Variants in DOCK4 observed in about 807,000 individuals in gnomAD.
DOCK4 encodes dedicator of cytokinesis 4, also known as dedicator of cytokinesis protein 4.
Under a neutral mutation model 268.1 loss-of-function variants are expected in DOCK4, and 97 were observed. The observed-to-expected ratio is 0.36, with a 90% CI of 0.31 to 0.43. The LOEUF is 0.43. Ranked by LOEUF, DOCK4 falls within the 20% of genes least tolerant of loss-of-function variation. The pLI, the probability that DOCK4 is intolerant of heterozygous loss-of-function variation, is 1.00. For synonymous variants in DOCK4, 954 were observed against 887.2 expected, an observed-to-expected ratio of 1.08 and a Z score of -1.34; for missense variants, 2,145 against 2,455.7, an observed-to-expected ratio of 0.87 and a Z score of 2.67.
chr7:111,899,789 G>A (rs1183772470), intron 15 of DOCK4, among the ~76,000 whole-genome samples: 1 of 152,198 alleles, frequency 6.6e-6, no homozygotes, highest in Admixed American at 6.5e-5. Flanking sequence ...CAGGCGTGGT[G>A]GCCGGGCGCC....
At chr7:112,170,006 T>C (rs1817943535) in intron 1 of DOCK4, among the ~76,000 whole-genome samples, 2 of 152,094 alleles carry the variant, frequency 1.3e-5, no homozygotes, top group Non-Finnish European at 2.9e-5. Flanking sequence ...ACACAACCCC[T>C]GTAAGTTCAA....
chr7:112,132,617 T>A (rs1163091774), intron 1 of DOCK4, among the ~76,000 whole-genome samples: 1 of 150,462 alleles, frequency 6.6e-6, no homozygotes, highest in African/African-American at 2.4e-5. Flanking sequence ...AATGCTTTAA[T>A]AGAAAAAAGG....
At chr7:112,186,564 A>G (rs1819510760) in intron 1 of DOCK4, among the ~76,000 whole-genome samples, 1 of 152,280 alleles carries the variant, frequency 6.6e-6, no homozygotes, top group South Asian at 2.1e-4. Flanking sequence ...GTAAGAGTTC[A>G]GTAAAGGTTT....
At chr7:111,760,741 TGTG>T (rs1797344429) in intron 39 of DOCK4, among the ~76,000 whole-genome samples, 2 of 5,360 alleles carry the variant, frequency 3.7e-4, no homozygotes, top group Non-Finnish European at 9.6e-4. Flanking sequence ...CTGCTTTTTG[TGTG>T]TGTGTGTGTG....
intron 7 of DOCK4, among the ~76,000 whole-genome samples, chr7:111,977,702 CT>C (rs1798312801): frequency 6.6e-6 from 1 of 152,132 alleles, no homozygotes; most frequent in Non-Finnish European, 1.5e-5. Flanking sequence ...TATTAGTCAT[CT>C]TTTTAAAAAG....
chr7:111,888,551 A>G (rs893124824), intron 16 of DOCK4, among the ~76,000 whole-genome samples: 3 of 151,980 alleles, frequency 2.0e-5, no homozygotes, highest in Non-Finnish European at 4.4e-5. Flanking sequence ...TAGAGAGGCA[A>G]TACAGCCTAG....
intron 15 of DOCK4, among the ~76,000 whole-genome samples, chr7:111,899,877 T>C (rs1790992850): frequency 6.6e-6 from 1 of 152,216 alleles, no homozygotes; most frequent in Non-Finnish European, 1.5e-5. Flanking sequence ...AGAGCTGAGA[T>C]TGCGCCACTG....
intron 23 of DOCK4, among the ~76,000 whole-genome samples, chr7:111,857,272 A>T (rs1011179403): frequency 3.9e-5 from 6 of 152,202 alleles, no homozygotes; most frequent in Non-Finnish European, 8.8e-5. Flanking sequence ...AAATAGTCTA[A>T]TAGTCTACCT....
At chr7:112,002,092 T>C (rs1021318030) in intron 2 of DOCK4, among the ~76,000 whole-genome samples, 2 of 152,168 alleles carry the variant, frequency 1.3e-5, no homozygotes, top group African/African-American at 4.8e-5. Context: ...ACAAAACAAA[T>C]ATTTGAGCTT....
chr7:111,970,325 A>G (rs1267123649), intron 8 of DOCK4, among the ~76,000 whole-genome samples: 1 of 151,798 alleles, frequency 6.6e-6, no homozygotes, highest in Non-Finnish European at 1.5e-5. Context: ...TATTAAAAAA[A>G]AAGAAAAAAA....
chr7:112,153,968 T>C (rs1816346315), intron 1 of DOCK4, among the ~76,000 whole-genome samples: 1 of 152,140 alleles, frequency 6.6e-6, no homozygotes, highest in South Asian at 2.1e-4. Context: ...AACAATAATG[T>C]AGCAATTTTT....
At chr7:112,113,895 G>A (rs959241479) in intron 1 of DOCK4, among the ~76,000 whole-genome samples, 2 of 151,470 alleles carry the variant, frequency 1.3e-5, no homozygotes, top group African/African-American at 4.9e-5. Flanking sequence ...TGCTTCGCCT[G>A]GATTTTTAGA....
intron 43 of DOCK4, 96 bp from the exon 44 acceptor site, chr7:111,746,513 C>A: frequency 1.0e-6 from 1 of 979,158 alleles, no homozygotes; most frequent in South Asian, 1.5e-5. Flanking sequence ...ATGGAAATGA[C>A]ACCATTACAA....
At chr7:112,146,616 C>T (rs775195948) in intron 1 of DOCK4, among the ~76,000 whole-genome samples, 4 of 152,102 alleles carry the variant, frequency 2.6e-5, no homozygotes, top group Non-Finnish European at 4.4e-5. Context: ...CCTATAGTCC[C>T]AGCTACTCAG....
At chr7:111,751,578 G>A (rs1365567908) in intron 42 of DOCK4, among the ~76,000 whole-genome samples, 1 of 151,990 alleles carries the variant, frequency 6.6e-6, no homozygotes, top group Admixed American at 6.6e-5. Flanking sequence ...CTGAGAAGCT[G>A]GGATTACAGG....
At position 111,760,305 on chromosome 7, in the gene DOCK4, A is replaced by C. The variant is rs769181112; in HGVS notation, c.4038T>G (p.Cys1346Trp). The change falls in exon 40 of 53, where the codon TGT becomes TGG. Residue 1346 changes from cysteine to tryptophan, a missense_variant. Physicochemically the swap from Cys to Trp is radical, Grantham distance 215. Transcript: ENST00000428084. ...CCAGCCTCTCGTAGTCATGCCCTCG[A>C]CACACAAACTCCTTATTCTGGAGAT... is the stretch of plus-strand genomic sequence containing the variant. The part of the protein sequence containing the change: ...PFFLRNKEFV[C>W]RGHDYERLEA... The C allele has an allele frequency of 6.2e-7, 1 of 1,613,706 alleles. No individual in the cohort carries two copies. The highest frequency in any genetic ancestry group is 8.5e-7 in the Non-Finnish European group (1 of 1,179,754).
At chr7:111,746,217 C>T (rs1379128110) in intron 44 of DOCK4, 117 bp downstream of exon 44, 3 of 723,740 alleles carry the variant, frequency 4.1e-6, no homozygotes, top group Non-Finnish European at 6.8e-6. Context: ...GAATCTGTCA[C>T]CCTTGCTTGC....
intron 22 of DOCK4, among the ~76,000 whole-genome samples, chr7:111,864,254 A>AG (rs945730385): frequency 6.6e-6 from 1 of 151,912 alleles, no homozygotes; most frequent in African/African-American, 2.4e-5. Flanking sequence ...AAAAAAAAAA[A>AG]AAACCCGATC....
chr7:111,780,791 A>C (rs1798742525), intron 35 of DOCK4, among the ~76,000 whole-genome samples: 2 of 152,366 alleles, frequency 1.3e-5, no homozygotes, highest in East Asian at 3.9e-4. Context: ...TGCTACTAGA[A>C]AAAATCAAGA....
Sources: gnomAD v4.1 joint callset for allele counts (sites outside exome capture counted in the v4.1 genomes callset) on GRCh38, gnomAD v4.1.1 for gene constraint, MANE v1.5 for transcripts, NCBI Gene and HGNC (gene_info 2026-07-23, HGNC 2026-07-21) for gene names.